ARID1B: variants seen among roughly 807,000 people sequenced by gnomAD.
ARID1B encodes the protein AT-rich interaction domain 1B, also known as AT-rich interactive domain-containing protein 1B.
In ARID1B, 30 loss-of-function variants were observed where a neutral mutation model predicts 212.3. The ratio of observed to expected loss-of-function variants is 0.14; its 90% CI spans 0.11 to 0.19. ARID1B has a LOEUF of 0.19. ARID1B is among the 10% of genes least tolerant of loss of function. The pLI, the probability that ARID1B is intolerant of heterozygous loss-of-function variation, is 1.00. For synonymous variants in ARID1B, 1,402 were observed against 1,301.7 expected (o/e 1.08, Z -1.66); for missense variants, 2,891 against 3,204.0 (o/e 0.90, Z 2.36).
intron 3 of ARID1B, among the ~76,000 whole-genome samples, chr6:156,922,419 C>A (rs144894821): frequency 0.016 from 2,494 of 152,176 alleles, 62 homozygotes; most frequent in African/African-American, 0.056. Context: ...GTGATCCGCC[C>A]GCCTCGGCCT....
At chr6:156,887,977 C>T (rs925116037) in intron 2 of ARID1B, among the ~76,000 whole-genome samples, 3 of 152,108 alleles carry the variant, frequency 2.0e-5, no homozygotes, top group African/African-American at 7.2e-5. Flanking sequence ...AATTCTAGTC[C>T]TCTTCTGGTA....
At chr6:156,896,703 AC>A (rs1788425206) in intron 2 of ARID1B, among the ~76,000 whole-genome samples, 2 of 151,870 alleles carry the variant, frequency 1.3e-5, no homozygotes, top group African/African-American at 2.4e-5. Flanking sequence ...ACATGGTGAA[AC>A]CCCGTCTCTA....
chr6:157,151,112 C>A (rs529286512), intron 8 of ARID1B: 1 of 153,292 alleles, frequency 6.5e-6, no homozygotes, highest in African/African-American at 2.4e-5. Flanking sequence ...GCATGGCTTT[C>A]GGCATGGCTG....
chr6:157,127,722 G>A (rs1198384778), intron 6 of ARID1B, among the ~76,000 whole-genome samples: 4 of 142,536 alleles, frequency 2.8e-5, no homozygotes, highest in Non-Finnish European at 6.0e-5. Flanking sequence ...GTTGCAGTGA[G>A]CCAAGATCGC....
chr6:157,093,210 C>G (rs1387241706), intron 5 of ARID1B, among the ~76,000 whole-genome samples: 1 of 152,174 alleles, frequency 6.6e-6, no homozygotes, highest in African/African-American at 2.4e-5. Context: ...ATGAATAGTA[C>G]TTAGAGTCAA....
At chr6:156,950,345 C>T (rs926789021) in intron 4 of ARID1B, among the ~76,000 whole-genome samples, 1 of 152,200 alleles carries the variant, frequency 6.6e-6, no homozygotes, top group African/African-American at 2.4e-5. Context: ...TGAAGGATAA[C>T]ACAGGTCTTT....
intron 4 of ARID1B, among the ~76,000 whole-genome samples, chr6:157,038,175 A>G (rs564618986): frequency 4.6e-5 from 7 of 152,276 alleles, no homozygotes; most frequent in African/African-American, 1.4e-4. Flanking sequence ...TCATTTTCAT[A>G]TAGAGGTGTA....
intron 4 of ARID1B, among the ~76,000 whole-genome samples, chr6:156,982,732 A>G (rs1251117534): frequency 6.6e-6 from 1 of 152,010 alleles, no homozygotes; most frequent in Non-Finnish European, 1.5e-5. Flanking sequence ...CTTTATACAT[A>G]GTTCCTTTTT....
At chr6:156,813,253 G>A (rs1470801301) in intron 1 of ARID1B, among the ~76,000 whole-genome samples, 5 of 150,214 alleles carry the variant, frequency 3.3e-5, no homozygotes, top group African/African-American at 1.2e-4. Context: ...GTAGGCGCAT[G>A]CTGCCACGCC....
chr6:157,185,245 A>C (rs1382945773), intron 13 of ARID1B: 1 of 152,298 alleles, frequency 6.6e-6, no homozygotes, highest in Non-Finnish European at 1.5e-5. Context: ...AGAGAGGGGA[A>C]GAAATTGGCA....
intron 4 of ARID1B, among the ~76,000 whole-genome samples, chr6:157,032,355 G>A (rs142881957): frequency 5.9e-5 from 9 of 151,970 alleles, no homozygotes; most frequent in Admixed American, 2.6e-4. Context: ...ATATTTGTAC[G>A]TTTTTTTCTA....
intron 8 of ARID1B, among the ~76,000 whole-genome samples, chr6:157,156,880 G>A (rs190004646): frequency 2.0e-4 from 31 of 152,288 alleles, no homozygotes; most frequent in African/African-American, 2.4e-4. Context: ...GGGACATCAC[G>A]TGAGGAGCAC....
chr6:157,115,828 T>C (rs1787290963), intron 6 of ARID1B, among the ~76,000 whole-genome samples: 2 of 152,204 alleles, frequency 1.3e-5, no homozygotes, highest in Non-Finnish European at 2.9e-5. Context: ...AAAACCTCAG[T>C]TTAGTATTCT....
At chr6:156,964,760 G>A (rs1031157237) in intron 4 of ARID1B, among the ~76,000 whole-genome samples, 3 of 152,086 alleles carry the variant, frequency 2.0e-5, no homozygotes, top group Non-Finnish European at 4.4e-5. Flanking sequence ...TAACACTAAG[G>A]TTATTATATA....
At chr6:157,013,789 G>A (rs972899193) in intron 4 of ARID1B, among the ~76,000 whole-genome samples, 3 of 152,112 alleles carry the variant, frequency 2.0e-5, no homozygotes, top group South Asian at 2.1e-4. Flanking sequence ...GGAATTCAGC[G>A]GCAGGCCTGA....
At chr6:157,019,581 T>C (rs897289853) in intron 4 of ARID1B, among the ~76,000 whole-genome samples, 1 of 152,250 alleles carries the variant, frequency 6.6e-6, no homozygotes, top group Non-Finnish European at 1.5e-5. Flanking sequence ...TTGTAAAATT[T>C]CTAGCCTGGT....
intron 5 of ARID1B, among the ~76,000 whole-genome samples, chr6:157,106,304 G>T (rs1450289130): frequency 6.6e-6 from 1 of 152,200 alleles, no homozygotes; most frequent in East Asian, 1.9e-4. Flanking sequence ...CTGGCAGAGA[G>T]TTCAGGCACC....
chr6:157,039,912 T>TTCCTTCCTTCCTTCCTTCCTTCCTTCCC (rs1781757632), intron 4 of ARID1B, among the ~76,000 whole-genome samples: 1 of 147,180 alleles, frequency 6.8e-6, no homozygotes, highest in African/African-American at 2.5e-5. Context: ...CCTTCCTTCC[T>TTCCTTCCTTCCTTCCTTCCTTCCTTCCC]TCCTTCTTTC....
intron 2 of ARID1B, among the ~76,000 whole-genome samples, chr6:156,848,943 A>AC (rs1784407252): frequency 6.6e-6 from 1 of 152,212 alleles, no homozygotes; most frequent in East Asian, 1.9e-4. Context: ...GACAACTTTG[A>AC]GTAAATTTCC....
Sources: gnomAD v4.1 joint callset for allele counts (sites outside exome capture counted in the v4.1 genomes callset) on GRCh38, gnomAD v4.1.1 for gene constraint, MANE v1.5 for transcripts, NCBI Gene and HGNC (gene_info 2026-07-23, HGNC 2026-07-21) for gene names.